Variants in BCR observed in about 807,000 individuals in gnomAD.
BCR encodes the protein BCR activator of RhoGEF and GTPase.
In BCR, 58 loss-of-function variants were observed where a neutral mutation model predicts 138.6. The observed-to-expected ratio is 0.42, with a 90% CI of 0.34 to 0.52. The LOEUF is 0.52. Ranked by LOEUF, BCR falls within the 20% of genes least tolerant of loss-of-function variation. The probability of loss-of-function intolerance (pLI) is 0.06; values close to 1 mark genes in which losing one functional copy is unlikely to be tolerated. For synonymous variants in BCR, 786 were observed against 730.1 expected, an observed-to-expected ratio of 1.08 and a Z score of -1.23; for missense variants, 1,599 against 1,727.2, an observed-to-expected ratio of 0.93 and a Z score of 1.32.
At chr22:23,256,965 CT>C (rs1373116193) in intron 2 of BCR, among the ~76,000 whole-genome samples, 1 of 152,088 alleles carries the variant, frequency 6.6e-6, no homozygotes, top group Non-Finnish European at 1.5e-5. Flanking sequence ...TCACTGACTT[CT>C]TTTTCCAATT....
chr22:23,316,938 G>T lies in BCR; in HGVS notation c.*1416G>T, dbSNP rs1436029875. 7.3e-6 allele frequency: 1 copy of T among 137,862 alleles called. No individual in the cohort carries two copies. The highest frequency in any genetic ancestry group is 1.4e-5 in the Non-Finnish European group (1 of 72,592). 8.5% of individuals were successfully genotyped at this position (137,862 alleles called of 1,614,324 possible). A position where few individuals can be genotyped will look rare whatever the true frequency, so the allele number is the denominator to read the frequency against. ...AGGGGCTTGGGGCAGGCAGAGGAGA[G>T]AAGGGAGAGCAAACTGAGAGCCAAG... On this transcript the variant is annotated 3_prime_UTR_variant, in exon 23 of 23. Transcript: ENST00000305877.
intron 21 of BCR, 82 bp downstream of exon 21, chr22:23,314,155 C>A: frequency 1.8e-6 from 2 of 1,120,708 alleles, no homozygotes; most frequent in Non-Finnish European, 1.3e-6. Context: ...AGACCCCCAA[C>A]ACCGAGGACC....
At chr22:23,252,495 A>G (rs1043549613) in intron 1 of BCR, among the ~76,000 whole-genome samples, 3 of 141,954 alleles carry the variant, frequency 2.1e-5, no homozygotes, top group African/African-American at 8.2e-5. Context: ...CAGTGGTGCA[A>G]TCTTGGCTCA....
chr22:23,261,635 T>C lies in BCR; in HGVS notation c.1752+95T>C. 7 of 1,373,152 alleles carry C rather than the reference T, an allele frequency of 5.1e-6. 1 individual carries two copies. The South Asian group carries it at 8.9e-5, about 18-fold the overall frequency. The allele number at this position is 1,373,152 out of a possible 1,614,324, so 85.1% of individuals were successfully genotyped here. On this transcript the variant is annotated intron_variant, in intron 4 of 22. Coordinates refer to ENST00000305877, the MANE Select transcript of BCR (RefSeq NM_004327.4). ...TTAGTAGAGACAGGGTTTTGCTATGTTGGCCAGGCTGGTCTCAAACTCCTA... is the reference window on the plus strand; with the variant it reads ...TTAGTAGAGACAGGGTTTTGCTATGCTGGCCAGGCTGGTCTCAAACTCCTA...
At chr22:23,251,867 C>T (rs2073231813) in intron 1 of BCR, among the ~76,000 whole-genome samples, 1 of 152,164 alleles carries the variant, frequency 6.6e-6, no homozygotes, top group Admixed American at 6.5e-5. Context: ...TGGATTGGGC[C>T]AGAAGATCCT....
chr22:23,207,156 C>T (rs9620226), intron 1 of BCR, among the ~76,000 whole-genome samples: 15 of 152,132 alleles, frequency 9.9e-5, no homozygotes, highest in African/African-American at 3.4e-4. Context: ...TACTGGGGTC[C>T]AAGCACAATG....
intron 10 of BCR, among the ~76,000 whole-genome samples, chr22:23,285,558 CGAGA>C: frequency 6.6e-6 from 1 of 152,314 alleles, no homozygotes; most frequent in South Asian, 2.1e-4. Context: ...GGGTCCCTCA[CGAGA>C]GAAACTTGTT....
At chr22:23,237,271 C>T (rs116499312) in intron 1 of BCR, among the ~76,000 whole-genome samples, 1,603 of 152,278 alleles carry the variant, frequency 0.011, 29 homozygotes, top group African/African-American at 0.032. Flanking sequence ...GCTCCCGGAG[C>T]GGGTGTCTAG....
At chr22:23,254,258 C>T (rs1315986858) in intron 2 of BCR, among the ~76,000 whole-genome samples, 1 of 152,032 alleles carries the variant, frequency 6.6e-6, no homozygotes, top group Non-Finnish European at 1.5e-5. Flanking sequence ...AGGCCACCAC[C>T]AAGACCTGCG....
intron 8 of BCR, among the ~76,000 whole-genome samples, chr22:23,275,857 A>G (rs764433124): frequency 2.0e-5 from 3 of 152,030 alleles, no homozygotes; most frequent in Non-Finnish European, 4.4e-5. Context: ...CCTTTTTCCC[A>G]TGGCTTCTCC....
intron 16 of BCR, among the ~76,000 whole-genome samples, chr22:23,296,654 A>C (rs1463833270): frequency 6.6e-6 from 1 of 152,228 alleles, no homozygotes; most frequent in Non-Finnish European, 1.5e-5. Context: ...GATCAGGTTT[A>C]AAAGCAAAAA....
At chr22:23,295,273 G>C in intron 16 of BCR, 118 bp downstream of exon 16, 3 of 1,273,950 alleles carry the variant, frequency 2.4e-6, no homozygotes, top group Non-Finnish European at 3.2e-6. Context: ...GTGGGCAGCT[G>C]TGGCTCTGAA....
At chr22:23,249,354 C>T (rs1221089728) in intron 1 of BCR, among the ~76,000 whole-genome samples, 1 of 151,734 alleles carries the variant, frequency 6.6e-6, no homozygotes, top group Non-Finnish European at 1.5e-5. Context: ...ATGGCGTGAA[C>T]CCGGAAGGTG....
In BCR at chr22:23,268,877, C is replaced by T. The variant is rs189454770; in HGVS notation, c.1860+362C>T. Among the ~76,000 whole-genome samples, 9 of 152,292 alleles carry T rather than the reference C, an allele frequency of 5.9e-5. No homozygotes were observed. In the East Asian group the frequency reaches 1.4e-3, roughly 23 times the overall value. ...TTGTACCTGGCACTGGAGGCGAGGC[C>T]GGAGGTGGCCCACTCTTCCTTTTCT... is the stretch of plus-strand genomic sequence containing the variant. On this transcript the variant is annotated intron_variant, in intron 5 of 22. Coordinates refer to ENST00000305877, the MANE Select transcript of BCR (RefSeq NM_004327.4).
chr22:23,310,160 C>CCAGGAT (rs1433943174), intron 17 of BCR, 164 bp from the exon 18 acceptor site: 1 of 505,184 alleles, frequency 2.0e-6, no homozygotes, highest in Non-Finnish European at 3.7e-6. Context: ...CTGGCTCTTG[C>CCAGGAT]TGAAGTAGAC....
chr22:23,296,350 G>C (rs943515824), intron 16 of BCR, among the ~76,000 whole-genome samples: 4 of 148,450 alleles, frequency 2.7e-5, no homozygotes, highest in Admixed American at 6.7e-5. Context: ...CTCTAGCCTG[G>C]GTGACAGAGC....
intron 1 of BCR, among the ~76,000 whole-genome samples, chr22:23,186,046 C>A (rs1269622735): frequency 6.6e-6 from 1 of 152,140 alleles, no homozygotes; most frequent in East Asian, 1.9e-4. Flanking sequence ...GTGGTTCTTG[C>A]GATCTGGGAA....
chr22:23,308,368 C>T (rs1426428482), intron 16 of BCR, among the ~76,000 whole-genome samples: 1 of 152,024 alleles, frequency 6.6e-6, no homozygotes, highest in Non-Finnish European at 1.5e-5. Flanking sequence ...TGCAGTGGCG[C>T]CATCTTGGCT....
intron 1 of BCR, among the ~76,000 whole-genome samples, chr22:23,195,173 C>T (rs2072462985): frequency 6.6e-6 from 1 of 152,078 alleles, no homozygotes. Context: ...GTAATCCTAG[C>T]ACTTTGGGAG....
Sources: allele counts gnomAD v4.1 joint callset (sites outside exome capture counted in the v4.1 genomes callset), GRCh38; gene constraint gnomAD v4.1.1; transcripts MANE v1.5; gene names NCBI Gene and HGNC (gene_info 2026-07-23, HGNC 2026-07-21).